The following DOCK3 variants were observed in gnomAD, a reference collection of about 807,000 sequenced individuals.
DOCK3 encodes the protein dedicator of cytokinesis 3, also known as dedicator of cytokinesis protein 3.
DOCK3 carries 60 observed loss-of-function variants against 265.6 expected under a neutral mutation model. The ratio of observed to expected loss-of-function variants is 0.23; its 90% CI spans 0.18 to 0.28. The LOEUF (loss-of-function observed/expected upper bound fraction) is 0.28, where lower values mean the gene tolerates loss of function less well. Among genes scored for constraint, DOCK3 ranks in the 10% least tolerant of loss-of-function variants. The probability of loss-of-function intolerance (pLI) is 1.00; values close to 1 mark genes in which losing one functional copy is unlikely to be tolerated. For synonymous variants in DOCK3, 881 were observed against 938.0 expected (o/e 0.94, Z 1.11); for missense variants, 1,981 against 2,594.3 (o/e 0.76, Z 5.14).
intron 10 of DOCK3, among the ~76,000 whole-genome samples, chr3:51,148,609 C>G (rs573934300): frequency 1.1e-4 from 16 of 152,290 alleles, no homozygotes; most frequent in African/African-American, 2.9e-4. Context: ...AATCCTTTCC[C>G]CATTTCTTGT....
At chr3:50,946,302 AC>A (rs1186041362) in intron 5 of DOCK3, among the ~76,000 whole-genome samples, 1 of 151,968 alleles carries the variant, frequency 6.6e-6, no homozygotes, top group Non-Finnish European at 1.5e-5. Context: ...CCCACCCTCA[AC>A]TTTTTAATCT....
intron 12 of DOCK3, among the ~76,000 whole-genome samples, chr3:51,166,402 T>C (rs1361563121): frequency 6.6e-6 from 1 of 152,204 alleles, no homozygotes; most frequent in Non-Finnish European, 1.5e-5. Flanking sequence ...TTCCATATCA[T>C]GGCTAGTGTA....
chr3:51,222,418 C>G (rs895125976), intron 14 of DOCK3, among the ~76,000 whole-genome samples: 9 of 152,240 alleles, frequency 5.9e-5, no homozygotes, highest in African/African-American at 2.2e-4. Context: ...GAGCTTTTCA[C>G]ATTTGCTTCT....
At chr3:51,040,784 G>C (rs1559976618) in intron 5 of DOCK3, among the ~76,000 whole-genome samples, 1 of 152,096 alleles carries the variant, frequency 6.6e-6, no homozygotes, top group Non-Finnish European at 1.5e-5. Flanking sequence ...ATCTTCACCA[G>C]GAGTAGATTC....
intron 3 of DOCK3, among the ~76,000 whole-genome samples, chr3:50,857,280 C>T (rs755865655): frequency 2.0e-5 from 3 of 152,082 alleles, no homozygotes; most frequent in South Asian, 2.1e-4. Flanking sequence ...TGTTAGAATT[C>T]GGCTGTGAAT....
At chr3:51,101,273 A>T (rs959078856) in intron 9 of DOCK3, among the ~76,000 whole-genome samples, 17 of 151,918 alleles carry the variant, frequency 1.1e-4, no homozygotes, top group South Asian at 2.1e-4. Flanking sequence ...GGCGCCCGCC[A>T]CCGCGCCCGG....
chr3:51,101,242 T>A (rs2083078532), intron 9 of DOCK3, among the ~76,000 whole-genome samples: 1 of 149,664 alleles, frequency 6.7e-6, no homozygotes, highest in Non-Finnish European at 1.5e-5. Context: ...TGCCTCAGCC[T>A]CCCGAGTAGC....
intron 5 of DOCK3, among the ~76,000 whole-genome samples, chr3:50,965,950 A>G (rs2077016772): frequency 6.6e-6 from 1 of 152,088 alleles, no homozygotes; most frequent in Non-Finnish European, 1.5e-5. Flanking sequence ...CTTAGAACTG[A>G]AAGTTTGTAT....
intron 5 of DOCK3, among the ~76,000 whole-genome samples, chr3:50,939,473 C>T (rs2051577498): frequency 6.6e-6 from 1 of 151,972 alleles, no homozygotes; most frequent in Admixed American, 6.6e-5. Context: ...ACTATAGACA[C>T]AAACATCCTC....
At chr3:51,139,289 A>G (rs1052220353) in intron 9 of DOCK3, among the ~76,000 whole-genome samples, 2 of 151,706 alleles carry the variant, frequency 1.3e-5, no homozygotes, top group Non-Finnish European at 2.9e-5. Context: ...CTAGCTGTGT[A>G]CCCAAGAAGA....
chr3:51,097,976 G>A (rs1023209349), intron 9 of DOCK3, among the ~76,000 whole-genome samples: 1 of 152,068 alleles, frequency 6.6e-6, no homozygotes, highest in Non-Finnish European at 1.5e-5. Flanking sequence ...GATGAGCTGG[G>A]TACCTCAATT....
At chr3:50,998,234 A>C (rs2078351506) in intron 5 of DOCK3, among the ~76,000 whole-genome samples, 1 of 152,214 alleles carries the variant, frequency 6.6e-6, no homozygotes, top group Non-Finnish European at 1.5e-5. Flanking sequence ...CTCATCCCTC[A>C]GCATTAGATC....
At chr3:50,764,150 T>G (rs1226314916) in intron 1 of DOCK3, among the ~76,000 whole-genome samples, 1 of 152,202 alleles carries the variant, frequency 6.6e-6, no homozygotes, top group Non-Finnish European at 1.5e-5. Context: ...ATGGATGGTT[T>G]CCTGTGAATT....
intron 5 of DOCK3, among the ~76,000 whole-genome samples, chr3:50,938,880 G>T (rs1367999663): frequency 2.7e-5 from 4 of 150,608 alleles, no homozygotes. Flanking sequence ...ATCACAGTGA[G>T]ACTCTGTAAA....
chr3:51,051,740 C>G (rs548659119), intron 5 of DOCK3, among the ~76,000 whole-genome samples: 1 of 152,120 alleles, frequency 6.6e-6, no homozygotes, highest in African/African-American at 2.4e-5. Context: ...AATTGGCTCA[C>G]GGTTCTGCAG....
At chr3:51,310,195 G>A (rs1381508268) in intron 27 of DOCK3, 37 bp from the exon 28 acceptor site, 7 of 1,526,842 alleles carry the variant, frequency 4.6e-6, no homozygotes, top group Non-Finnish European at 6.3e-6. Flanking sequence ...GCATATTGTG[G>A]TGGTGGTGTC....
intron 1 of DOCK3, among the ~76,000 whole-genome samples, chr3:50,705,281 A>G (rs779760346): frequency 6.6e-6 from 1 of 152,022 alleles, no homozygotes; most frequent in Non-Finnish European, 1.5e-5. Context: ...TTGAACTGTA[A>G]TCCCCACGTG....
intron 4 of DOCK3, among the ~76,000 whole-genome samples, chr3:50,896,560 C>T (rs1165974615): frequency 6.6e-6 from 1 of 152,094 alleles, no homozygotes; most frequent in African/African-American, 2.4e-5. Context: ...AAATCTTTGC[C>T]CATGCCTCTG....
intron 1 of DOCK3, among the ~76,000 whole-genome samples, chr3:50,728,412 G>A (rs1326500445): frequency 6.6e-6 from 1 of 151,706 alleles, no homozygotes; most frequent in Non-Finnish European, 1.5e-5. Context: ...GAAATAGAAT[G>A]GTATGTTAAA....
Sources: allele counts gnomAD v4.1 joint callset (sites outside exome capture counted in the v4.1 genomes callset), GRCh38; gene constraint gnomAD v4.1.1; transcripts MANE v1.5; gene names NCBI Gene and HGNC (gene_info 2026-07-23, HGNC 2026-07-21).